TNFRSF10A: variants seen among roughly 807,000 people sequenced by gnomAD.
The protein encoded by TNFRSF10A is tumor necrosis factor receptor superfamily member 10A.
A neutral mutation model predicts 42.8 loss-of-function variants in TNFRSF10A; 44 were observed. The ratio of observed to expected loss-of-function variants is 1.03; its 90% CI spans 0.81 to 1.32. The LOEUF is 1.32. TNFRSF10A is among the 40% of genes most tolerant of loss of function. The probability of loss-of-function intolerance (pLI) is 0.00; values close to 1 mark genes in which losing one functional copy is unlikely to be tolerated. For missense variants in TNFRSF10A, 680 were observed against 602.0 expected (o/e 1.13, Z -1.36); for synonymous variants, 259 against 234.2 (o/e 1.11, Z -0.97).
Position 23,199,205 on chromosome 8 carries a change from G to A in TNFRSF10A, c.1014+61C>T. On this transcript the variant is annotated intron_variant, in intron 8 of 9. Coordinates refer to ENST00000221132, the MANE Select transcript of TNFRSF10A (RefSeq NM_003844.4). Reference sequence around the variant, plus strand: ...CTCCACTTCCCCTTTGACCAGGAGAGCCGAGGCATGGCCTTCACCCCCTGC... The same window carrying A: ...CTCCACTTCCCCTTTGACCAGGAGAACCGAGGCATGGCCTTCACCCCCTGC... 4 of 1,568,440 alleles carry A rather than the reference G, an allele frequency of 2.6e-6. No homozygotes were observed. The South Asian group carries it at 4.5e-5, about 18-fold the overall frequency.
At chr8:23,204,772 T>C (rs1415319559) in intron 2 of TNFRSF10A, among the ~76,000 whole-genome samples, 3 of 152,156 alleles carry the variant, frequency 2.0e-5, no homozygotes, top group Non-Finnish European at 2.9e-5. Context: ...ATCACAGCTA[T>C]ATAAAAATTA....
chr8:23,219,711 G>A (rs755534700), intron 1 of TNFRSF10A, among the ~76,000 whole-genome samples: 4 of 152,294 alleles, frequency 2.6e-5, no homozygotes, highest in East Asian at 1.9e-4. Context: ...CACCCCAGCC[G>A]GTGCTGCTCC....
In TNFRSF10A at chr8:23,224,826, G is replaced by T. The variant is rs772267982; in HGVS notation, c.236C>A (p.Ala79Glu). The change falls in exon 1 of 10, where the codon GCG (alanine) becomes GAG (glutamate). Residue 79 changes from alanine (A) to glutamate (E), a missense_variant. Coordinates refer to ENST00000221132, the MANE Select transcript of TNFRSF10A (RefSeq NM_003844.4). Reference sequence around the variant, plus strand: ...CCGGAGCCGAGGGCTGGCTTCCCGCGCCGGCCTGGGTCCTGGGGCGCGCCC... The same window carrying T: ...CCGGAGCCGAGGGCTGGCTTCCCGCTCCGGCCTGGGTCCTGGGGCGCGCCC... Reference protein sequence around the residue: ...RAGRAPGPRPAREASPRLRVH... With the variant: ...RAGRAPGPRPEREASPRLRVH... 4 of 1,565,428 alleles carry T rather than the reference G, an allele frequency of 2.6e-6. No individual in the cohort carries two copies. The highest frequency in any genetic ancestry group is 1.2e-5 in the South Asian group (1 of 85,370).
At chr8:23,223,525 T>C (rs1415360559) in intron 1 of TNFRSF10A, among the ~76,000 whole-genome samples, 1 of 152,122 alleles carries the variant, frequency 6.6e-6, no homozygotes, top group Non-Finnish European at 1.5e-5. Flanking sequence ...AAAATAAGAG[T>C]CAAACGTGGG....
At chr8:23,208,352 G>T (rs1442055564) in intron 2 of TNFRSF10A, among the ~76,000 whole-genome samples, 1 of 152,152 alleles carries the variant, frequency 6.6e-6, no homozygotes, top group East Asian at 1.9e-4. Flanking sequence ...GCTGTAAAAG[G>T]CATTCAGTTT....
chr8:23,224,826 GC>G lies in TNFRSF10A; in HGVS notation c.235del (p.Ala79ArgfsTer164). On this transcript the variant is annotated frameshift_variant, in exon 1 of 10. Coordinates refer to ENST00000221132, the MANE Select transcript of TNFRSF10A (RefSeq NM_003844.4). LOFTEE classifies it high-confidence loss of function. ...RAGRAPGPRP[A>X]REASPRLRVH... ...CCGGAGCCGAGGGCTGGCTTCCCGC[GC>G]CGGCCTGGGTCCTGGGGCGCGCCCT... 5 of 1,565,428 alleles carry G rather than the reference GC, an allele frequency of 3.2e-6. No individual in the cohort carries two copies. Among genetic ancestry groups the G allele is most frequent in the Non-Finnish European group, 4.3e-6 (5 of 1,155,434 alleles).
At position 23,191,653 on chromosome 8, in the gene TNFRSF10A, C is replaced by A; in HGVS notation, c.*41G>T. On this transcript the variant is annotated 3_prime_UTR_variant, in exon 10 of 10. Transcript: ENST00000221132. ...AAAAAAAAAACCTAATATGTATTAA[C>A]TCCTAACACCTAAGAGGAAACCTCT... 1 of 1,559,096 alleles carries A rather than the reference C, an allele frequency of 6.4e-7. No homozygotes were observed.
chr8:23,195,993 T>A (rs1800818414), intron 9 of TNFRSF10A, among the ~76,000 whole-genome samples: 2 of 152,164 alleles, frequency 1.3e-5, no homozygotes, highest in Admixed American at 6.5e-5. Context: ...TTGATAAACA[T>A]AGAAATTGAC....
At chr8:23,192,441 G>C (rs570610351) in intron 9 of TNFRSF10A, among the ~76,000 whole-genome samples, 2 of 152,198 alleles carry the variant, frequency 1.3e-5, no homozygotes, top group Admixed American at 6.5e-5. Context: ...GAAAGTGCAG[G>C]GTCTGGGGCA....
intron 1 of TNFRSF10A, 59 bp downstream of exon 1, chr8:23,224,697 C>T: frequency 6.6e-7 from 1 of 1,522,412 alleles, no homozygotes; most frequent in Non-Finnish European, 8.8e-7. Flanking sequence ...CCCTCTCTCT[C>T]TGCCCCCTCC....
At chr8:23,199,819 C>T in intron 7 of TNFRSF10A, 67 bp downstream of exon 7, 1 of 1,609,586 alleles carries the variant, frequency 6.2e-7, no homozygotes, top group Non-Finnish European at 8.5e-7. Context: ...CCCACCTGGA[C>T]TACACTGTGG....
At chr8:23,192,732 T>C (rs2128846050) in intron 9 of TNFRSF10A, among the ~76,000 whole-genome samples, 1 of 152,342 alleles carries the variant, frequency 6.6e-6, no homozygotes, top group South Asian at 2.1e-4. Flanking sequence ...GTGTAAAATA[T>C]AATTTAATAT....
At chr8:23,192,181 C>T (rs1800764753) in intron 9 of TNFRSF10A, among the ~76,000 whole-genome samples, 168 bp from the exon 10 acceptor site, 1 of 152,184 alleles carries the variant, frequency 6.6e-6, no homozygotes. Context: ...AGAGAGCCCA[C>T]CCACACTGCC....
At chr8:23,203,113 T>G (rs1800957897) in intron 2 of TNFRSF10A, among the ~76,000 whole-genome samples, 1 of 152,232 alleles carries the variant, frequency 6.6e-6, no homozygotes, top group African/African-American at 2.4e-5. Context: ...ATATTTTCTT[T>G]TATTTTGAAT....
chr8:23,202,540 T>C, intron 3 of TNFRSF10A, 108 bp downstream of exon 3: 1 of 819,462 alleles, frequency 1.2e-6, no homozygotes, highest in Admixed American at 1.8e-5. Context: ...CAGGGTATGA[T>C]GAAGACCAAG....
At position 23,202,666 on chromosome 8, in the gene TNFRSF10A, A is replaced by G; in HGVS notation, c.499T>C (p.Cys167Arg). ...TCTGTACCTGATTTACAAGCTGTAC[A>G]TGGGAGGCAAGCAAACAAATTGTTG... Reference protein sequence around the residue: ...ASNNLFACLPCTACKSDEEER... With the variant: ...ASNNLFACLPRTACKSDEEER... The change falls in exon 3 of 10, where the codon TGT becomes CGT. Residue 167 changes from cysteine to arginine, a missense_variant. Transcript: ENST00000221132. The G allele has an allele frequency of 6.2e-7, 1 of 1,613,858 alleles. No individual in the cohort carries two copies. The highest frequency in any genetic ancestry group is 8.5e-7 in the Non-Finnish European group (1 of 1,179,834).
rs1801321208 is a variant in TNFRSF10A, at chr8:23,225,004, G to A, written c.58C>T (p.Pro20Ser). 2.5e-6 allele frequency: 4 copies of A among 1,588,302 alleles called. No homozygotes were observed. The South Asian group carries it at 4.5e-5, about 18-fold the overall frequency. Reference sequence around the variant, plus strand: ...TCTGTCCCACTCGCTGCGCTCCCGGGATTCGGAGTCACTGCCAGGAACGCA... The same window carrying A: ...TCTGTCCCACTCGCTGCGCTCCCGGAATTCGGAGTCACTGCCAGGAACGCA... ...LGAFLAVTPN[P>S]GSAASGTEAA... is the part of the protein sequence containing the mutation. The change falls in exon 1 of 10, where the codon CCC (proline) becomes TCC (serine). Residue 20 changes from proline (P) to serine (S), a missense_variant. Pro to Ser is a moderately conservative substitution (Grantham distance 74, BLOSUM62 -1). Transcript: ENST00000221132.
At chr8:23,212,091 A>T (rs776892107) in intron 2 of TNFRSF10A, 25 bp downstream of exon 2, 2 of 1,593,356 alleles carry the variant, frequency 1.3e-6, no homozygotes, top group Non-Finnish European at 1.7e-6. Flanking sequence ...GGTGTAAAGG[A>T]TTAGAGATCA....
In TNFRSF10A at chr8:23,204,553, A is replaced by T. The variant is rs1176962795; in HGVS notation, c.404-1792T>A. On this transcript the variant is annotated intron_variant, in intron 2 of 9. Coordinates refer to ENST00000221132, the MANE Select transcript of TNFRSF10A (RefSeq NM_003844.4). ...CTTGAACAACACTATTAACAACTAG[A>T]CTGGACAGATGTCTATAAAACACTC... is the stretch of plus-strand genomic sequence containing the variant. Among the ~76,000 whole-genome samples, 3 of 152,222 alleles carry T rather than the reference A, an allele frequency of 2.0e-5. No homozygotes were observed. In the East Asian group the frequency reaches 5.8e-4, roughly 29 times the overall value.
Sources: allele counts gnomAD v4.1 joint callset (sites outside exome capture counted in the v4.1 genomes callset), GRCh38; gene constraint gnomAD v4.1.1; transcripts MANE v1.5; gene names NCBI Gene and HGNC (gene_info 2026-07-23, HGNC 2026-07-21).